HLA-G: variants seen among roughly 807,000 people sequenced by gnomAD.
HLA-G encodes major histocompatibility complex, class I, G, also known as HLA class I histocompatibility antigen, alpha chain G.
In HLA-G, 34 loss-of-function variants were observed where a neutral mutation model predicts 39.3. The ratio of observed to expected loss-of-function variants is 0.86; its 90% CI spans 0.66 to 1.15. The LOEUF (loss-of-function observed/expected upper bound fraction) is 1.15, where lower values mean the gene tolerates loss of function less well. Ranked by LOEUF, HLA-G falls within the 50% of genes most tolerant of loss-of-function variation. The pLI is 0.00. For synonymous variants in HLA-G, 183 were observed against 185.8 expected, an observed-to-expected ratio of 0.99 and a Z score of 0.12; for missense variants, 419 against 456.4, an observed-to-expected ratio of 0.92 and a Z score of 0.75.
chr6:29,830,151 G>A (rs1258009900), intron 5 of HLA-G, among the ~76,000 whole-genome samples: 2 of 152,166 alleles, frequency 1.3e-5, no homozygotes, highest in Non-Finnish European at 2.9e-5. Context: ...ATGGGGACCT[G>A]ATCCCAGTAA....
chr6:29,828,604 C>CGGGTATGAACA lies in HLA-G; in HGVS notation c.407_417dup (p.Tyr140GlyfsTer15). 1 of 1,613,174 alleles carries CGGGTATGAACA rather than the reference C, an allele frequency of 6.2e-7. No homozygotes were observed. Among genetic ancestry groups the CGGGTATGAACA allele is most frequent in the African/African-American group, 1.3e-5 (1 of 75,070 alleles). ...TGGGGTCCGACGGACGCCTCCTCCG[C>CGGGTATGAACA]GGGTATGAACAGTATGCCTACGATG... On this transcript the variant is annotated frameshift_variant, in exon 3 of 7. Transcript: ENST00000360323. LOFTEE classifies it high-confidence loss of function.
intron 1 of HLA-G, 25 bp from the exon 2 acceptor site, chr6:29,828,022 G>C: frequency 6.2e-7 from 1 of 1,606,650 alleles, no homozygotes; most frequent in South Asian, 1.1e-5. Context: ...GGGTCGGGCG[G>C]GTCTCAACCC....
chr6:29,830,582 TCTCTC>T (rs1761187431), intron 6 of HLA-G, 172 bp downstream of exon 6: 2 of 771,710 alleles, frequency 2.6e-6, no homozygotes, highest in African/African-American at 3.4e-5. Context: ...CTCTAATGTG[TCTCTC>T]ACGGCTTGTA....
chr6:29,830,047 C>T (rs1462995271), intron 5 of HLA-G, 115 bp downstream of exon 5: 2 of 777,540 alleles, frequency 2.6e-6, no homozygotes, highest in Middle Eastern at 2.4e-4. Context: ...CACTCATGGG[C>T]CTACCCAGCC....
rs1198580829 is a variant in HLA-G at position 29,828,823 on chromosome 6, C to T, written c.619+5C>T. The T allele has an allele frequency of 1.2e-6, 2 of 1,614,018 alleles. No individual in the cohort carries two copies. Among genetic ancestry groups the T allele is most frequent in the Non-Finnish European group, 1.7e-6 (2 of 1,180,002 alleles). ...AGGAGATGCTGCAGCGCGCGGGTAC[C>T]AGGGGCAGTGGGGCGCCTCCCTGAT... On this transcript the variant is annotated splice_donor_5th_base_variant and intron_variant, in intron 3 of 6. Transcript: ENST00000360323.
At position 29,828,831 on chromosome 6, in the gene HLA-G, G is replaced by T. The variant is rs751327303; in HGVS notation, c.619+13G>T. ...CTGCAGCGCGCGGGTACCAGGGGCA[G>T]TGGGGCGCCTCCCTGATCTCCTGTA... On this transcript the variant is annotated intron_variant, in intron 3 of 6. Coordinates refer to ENST00000360323, the MANE Select transcript of HLA-G (RefSeq NM_001384290.1). The T allele has an allele frequency of 6.2e-7, 1 of 1,608,152 alleles. No homozygotes were observed. The highest frequency in any genetic ancestry group is 2.2e-5 in the East Asian group (1 of 44,804).
chr6:29,829,840 C>A lies in HLA-G; in HGVS notation c.920C>A (p.Pro307His). Reference protein sequence around the residue: ...RWKQSSLPTIPIMGIVAGLVV... With the variant: ...RWKQSSLPTIHIMGIVAGLVV... ...GAGCAGTCTTCCCTGCCCACCATCCCCATCATGGGTATCGTTGCTGGCCTG... is the reference window on the plus strand; with the variant it reads ...GAGCAGTCTTCCCTGCCCACCATCCACATCATGGGTATCGTTGCTGGCCTG... Residue 307 changes from proline (P) to histidine (H), a missense_variant, in exon 5 of 7, where the codon CCC becomes CAC. By Grantham distance (77) the Pro-to-His change is moderately conservative. Coordinates refer to ENST00000360323, the MANE Select transcript of HLA-G (RefSeq NM_001384290.1). 1 of 1,613,950 alleles carries A rather than the reference C, an allele frequency of 6.2e-7. No individual in the cohort carries two copies. Among genetic ancestry groups the A allele is most frequent in the Non-Finnish European group, 8.5e-7 (1 of 1,179,880 alleles).
Position 29,830,448 on chromosome 6 carries a change from A to G in HLA-G, c.*28+38A>G, listed in dbSNP as rs1047950014. On this transcript the variant is annotated intron_variant, in intron 6 of 6. Transcript: ENST00000360323. ...GAGGCTGATCCCTGAGATCCTTGGG[A>G]TCTTGTGTTTGGGAGCCCATGGGGG... 1.5e-5 allele frequency: 24 copies of G among 1,587,042 alleles called. No homozygotes were observed. The African/African-American group carries it at 3.2e-4, about 21-fold the overall frequency.
In HLA-G at chr6:29,830,369, T is replaced by G. The variant is rs1318718473; in HGVS notation, c.1013-9T>G. ...TTCTGGCCTCTCACAGGACATTTTCTTCCCACAGATTGAAAAGGAGGGAGC... is the reference window on the plus strand; with the variant it reads ...TTCTGGCCTCTCACAGGACATTTTCGTCCCACAGATTGAAAAGGAGGGAGC... On this transcript the variant is annotated splice_polypyrimidine_tract_variant and intron_variant, in intron 5 of 6. Coordinates refer to ENST00000360323, the MANE Select transcript of HLA-G (RefSeq NM_001384290.1). The G allele has an allele frequency of 6.2e-7, 1 of 1,613,672 alleles. No individual in the cohort carries two copies. The highest frequency in any genetic ancestry group is 8.5e-7 in the Non-Finnish European group (1 of 1,179,704).
At position 29,828,145 on chromosome 6, in the gene HLA-G, G is replaced by A; in HGVS notation, c.172G>A (p.Val58Met). Reference protein sequence around the residue: ...AMGYVDDTQFVRFDSDSACPR... With the variant: ...AMGYVDDTQFMRFDSDSACPR... ...GGGCTACGTGGACGACACGCAGTTC[G>A]TGCGGTTCGACAGCGACTCGGCGTG... The change falls in exon 2 of 7, where the codon GTG (valine) becomes ATG (methionine). Residue 58 changes from valine to methionine, a missense_variant. Transcript: ENST00000360323. 2 of 1,613,268 alleles carry A rather than the reference G, an allele frequency of 1.2e-6. No individual in the cohort carries two copies. The highest frequency in any genetic ancestry group is 1.7e-6 in the Non-Finnish European group (2 of 1,179,854).
rs759932261 is a variant in HLA-G at position 29,830,373 on chromosome 6, C to T, written c.1013-5C>T. ...GGCCTCTCACAGGACATTTTCTTCC[C>T]ACAGATTGAAAAGGAGGGAGCTACT... On this transcript the variant is annotated splice_region_variant and splice_polypyrimidine_tract_variant and intron_variant, in intron 5 of 6. Coordinates refer to ENST00000360323, the MANE Select transcript of HLA-G (RefSeq NM_001384290.1). 6.2e-7 allele frequency: 1 copy of T among 1,613,774 alleles called. No individual in the cohort carries two copies. Among genetic ancestry groups the T allele is most frequent in the Admixed American group, 1.7e-5 (1 of 60,026 alleles).
At chr6:29,827,949 T>C (rs768304196) in intron 1 of HLA-G, 32 bp downstream of exon 1, 9 of 1,595,850 alleles carry the variant, frequency 5.6e-6, no homozygotes, top group Non-Finnish European at 6.8e-6. Flanking sequence ...AAACAGCCCC[T>C]GCGCGGAGGA....
chr6:29,828,649 G>C lies in HLA-G; in HGVS notation c.450G>C (p.Leu150=). The change falls in exon 3 of 7, where the codon CTG becomes CTC. Residue 150 remains leucine, a synonymous_variant. Coordinates refer to ENST00000360323, the MANE Select transcript of HLA-G (RefSeq NM_001384290.1). ...ACGATGGCAAGGATTACCTCGCCCT[G>C]AACGAGGACCTGCGCTCCTGGACCG... ...YAYDGKDYLA[L]NEDLRSWTAA... The C allele has an allele frequency of 6.2e-7, 1 of 1,613,120 alleles. No individual in the cohort carries two copies. The highest frequency in any genetic ancestry group is 1.1e-5 in the South Asian group (1 of 91,082).
chr6:29,827,706 T>A, upstream of HLA-G: 1 of 854,084 alleles, frequency 1.2e-6, no homozygotes. Context: ...GGGTCCTTCT[T>A]CCTGGATACT....
chr6:29,827,574 G>T, upstream of HLA-G: 1 of 479,762 alleles, frequency 2.1e-6, no homozygotes. Flanking sequence ...CAAGAGTAGC[G>T]GGGTCAGGGC....
rs2113851358 is a variant in HLA-G, at chr6:29,828,179, T to C, written c.206T>C (p.Met69Thr). Residue 69 changes from methionine to threonine, a missense_variant, in exon 2 of 7, where the codon ATG becomes ACG. Physicochemically the swap from Met to Thr is moderately conservative, Grantham distance 81. Around this residue, in one of 2 missense-constraint regions of HLA-G, gnomAD observed 91 missense variants for 133.4 expected, o/e 0.68. Transcript: ENST00000360323. The stretch of plus-strand genomic sequence containing the variant: ...GACAGCGACTCGGCGTGTCCGAGGA[T>C]GGAGCCGCGGGCGCCGTGGGTGGAG... ...RFDSDSACPR[M>T]EPRAPWVEQE... The C allele has an allele frequency of 6.2e-7, 1 of 1,613,250 alleles. No individual in the cohort carries two copies.
chr6:29,828,022 G>T, intron 1 of HLA-G, 25 bp from the exon 2 acceptor site: 1 of 1,606,650 alleles, frequency 6.2e-7, no homozygotes, highest in Non-Finnish European at 8.5e-7. Context: ...GGGTCGGGCG[G>T]GTCTCAACCC....
Position 29,830,404 on chromosome 6 carries a change from G to A in HLA-G, c.*22G>A, listed in dbSNP as rs1761173812. On this transcript the variant is annotated 3_prime_UTR_variant, in exon 6 of 7. Coordinates refer to ENST00000360323, the MANE Select transcript of HLA-G (RefSeq NM_001384290.1). Reference sequence around the variant, plus strand: ...TTGAAAAGGAGGGAGCTACTCTCAGGCTGCAAGTAAGTATGAAGGAGGCTG... The same window carrying A: ...TTGAAAAGGAGGGAGCTACTCTCAGACTGCAAGTAAGTATGAAGGAGGCTG... 1 of 1,613,156 alleles carries A rather than the reference G, an allele frequency of 6.2e-7. No individual in the cohort carries two copies. The highest frequency in any genetic ancestry group is 1.3e-5 in the African/African-American group (1 of 74,902).
intron 4 of HLA-G, 41 bp downstream of exon 4, chr6:29,829,734 C>T: frequency 6.2e-7 from 1 of 1,606,852 alleles, no homozygotes; most frequent in Non-Finnish European, 8.5e-7. Flanking sequence ...TTAGGGAAAG[C>T]AGGAGCCTCT....
Sources: gnomAD v4.1 joint callset for allele counts (sites outside exome capture counted in the v4.1 genomes callset) on GRCh38, gnomAD v4.1.1 for gene constraint, gnomAD v4.1.1 regional missense constraint, MANE v1.5 for transcripts, NCBI Gene and HGNC (gene_info 2026-07-23, HGNC 2026-07-21) for gene names.